The following MTRES1 variants were observed in gnomAD, a reference collection of about 807,000 sequenced individuals.
The protein encoded by MTRES1 is mitochondrial transcription rescue factor 1.
A neutral mutation model predicts 17.4 loss-of-function variants in MTRES1; 11 were observed. The observed-to-expected ratio is 0.63, with a 90% confidence interval of 0.40 to 1.05. MTRES1 has a LOEUF of 1.05. Ranked by LOEUF, MTRES1 falls within the 50% of genes least tolerant of loss-of-function variation. MTRES1 has a pLI of 0.00. For missense variants in MTRES1, 268 were observed against 276.2 expected (o/e 0.97, Z 0.21); for synonymous variants, 94 against 99.6 (o/e 0.94, Z 0.34).
chr6:107,039,838 C>T lies in MTRES1; in HGVS notation c.78C>T (p.Leu26=), dbSNP rs375014724. ...PDAWIGLWGV[L]RGTPSSYKLC... ...CCTGGATTGGACTCTGGGGTGTTCT[C>T]CGAGGGACACCTTCATCATACAAAC... The change falls in exon 2 of 4, where the codon CTC becomes CTT. Residue 26 remains leucine, a synonymous_variant. Coordinates refer to ENST00000311381, the MANE Select transcript of MTRES1 (RefSeq NM_016487.5). The T allele has an allele frequency of 1.1e-5, 17 of 1,613,928 alleles. No individual in the cohort carries two copies. The highest frequency in any genetic ancestry group is 1.4e-5 in the Non-Finnish European group (17 of 1,180,010).
chr6:107,048,102 G>A (rs1220754669), intron 3 of MTRES1, among the ~76,000 whole-genome samples: 2 of 151,974 alleles, frequency 1.3e-5, no homozygotes, highest in Non-Finnish European at 2.9e-5. Context: ...ATGAAATAAG[G>A]TTATACCAAA....
chr6:107,045,048 C>T (rs538390062), intron 3 of MTRES1, among the ~76,000 whole-genome samples: 3 of 151,822 alleles, frequency 2.0e-5, no homozygotes, highest in African/African-American at 4.8e-5. Context: ...ATTAGCCAGG[C>T]GTGGTGGCAG....
chr6:107,029,776 G>T (rs549666035), intron 1 of MTRES1, among the ~76,000 whole-genome samples: 2 of 152,086 alleles, frequency 1.3e-5, no homozygotes, highest in African/African-American at 4.8e-5. Context: ...GAGCCACCGC[G>T]CCCATACTAT....
intron 1 of MTRES1, among the ~76,000 whole-genome samples, chr6:107,035,019 A>G (rs1773963050): frequency 6.6e-6 from 1 of 152,080 alleles, no homozygotes; most frequent in African/African-American, 2.4e-5. Flanking sequence ...TTGGGATCCT[A>G]GCCCTGTCAT....
intron 1 of MTRES1, among the ~76,000 whole-genome samples, chr6:107,038,697 A>G (rs186018204): frequency 8.9e-4 from 135 of 152,262 alleles, no homozygotes; most frequent in Non-Finnish European, 1.5e-3. Context: ...TTCCTTGGCA[A>G]AGTCAATGTT....
At chr6:107,028,473 G>C (rs1554225937) in intron 1 of MTRES1, 2 of 152,522 alleles carry the variant, frequency 1.3e-5, no homozygotes, top group African/African-American at 4.8e-5. Flanking sequence ...CCTGCCTCCT[G>C]TCGCTCCTGC....
In MTRES1 at chr6:107,040,288, GC is replaced by G; in HGVS notation, c.470+59del. On this transcript the variant is annotated intron_variant, in intron 2 of 3. Coordinates refer to ENST00000311381, the MANE Select transcript of MTRES1 (RefSeq NM_016487.5). ...CTCGTAGTCATGTTATTTTAATATA[GC>G]ATTACAAATCACTTGGCCCATATTA... 2.1e-6 allele frequency: 3 copies of G among 1,457,246 alleles called. No individual in the cohort carries two copies. In the South Asian group the frequency reaches 4.3e-5, roughly 21 times the overall value. The allele number at this position is 1,457,246 out of a possible 1,614,324, so 90.3% of individuals were successfully genotyped here. A position where few individuals can be genotyped will look rare whatever the true frequency, so the allele number is the denominator to read the frequency against.
chr6:107,032,772 T>C (rs1773886573), intron 1 of MTRES1, among the ~76,000 whole-genome samples: 1 of 152,044 alleles, frequency 6.6e-6, no homozygotes, highest in African/African-American at 2.4e-5. Flanking sequence ...GAGAGAAAAA[T>C]AACAGCATGC....
intron 2 of MTRES1, among the ~76,000 whole-genome samples, chr6:107,041,422 A>G (rs1774211050): frequency 6.6e-6 from 1 of 152,202 alleles, no homozygotes; most frequent in Non-Finnish European, 1.5e-5. Flanking sequence ...AACACTTATT[A>G]CAGTGTCTGG....
intron 1 of MTRES1, among the ~76,000 whole-genome samples, chr6:107,038,597 C>T (rs311203): frequency 0.8 from 121,895 of 152,138 alleles, 50,359 homozygotes; most frequent in Non-Finnish European, 0.91. Flanking sequence ...GTCCAATTTG[C>T]TCACCCTTAC....
At chr6:107,030,924 G>A (rs1242192939) in intron 1 of MTRES1, among the ~76,000 whole-genome samples, 1 of 152,200 alleles carries the variant, frequency 6.6e-6, no homozygotes, top group African/African-American at 2.4e-5. Context: ...ATAGATTAGG[G>A]TGTGGTTGGC....
At chr6:107,043,187 A>C (rs1304264154) in intron 2 of MTRES1, among the ~76,000 whole-genome samples, 2 of 152,068 alleles carry the variant, frequency 1.3e-5, no homozygotes, top group East Asian at 3.9e-4. Flanking sequence ...AAAAAAAATT[A>C]CCCAGGCGTG....
chr6:107,043,060 G>A (rs559454472), intron 2 of MTRES1, among the ~76,000 whole-genome samples: 15 of 152,246 alleles, frequency 9.9e-5, no homozygotes, highest in South Asian at 4.1e-4. Context: ...GGCCGGGTGC[G>A]GTGGCTCACG....
At position 107,039,971 on chromosome 6, in the gene MTRES1, T is replaced by C; in HGVS notation, c.211T>C (p.Leu71=). Residue 71 remains leucine, a synonymous_variant, in exon 2 of 4, where the codon TTA becomes CTA. Coordinates refer to ENST00000311381, the MANE Select transcript of MTRES1 (RefSeq NM_016487.5). Reference sequence around the variant, plus strand: ...TTTCTCACTGAGACTCCCAGGGCTTTTACTATCTCCAGAATGTATTTTTCC... The same window carrying C: ...TTTCTCACTGAGACTCCCAGGGCTTCTACTATCTCCAGAATGTATTTTTCC... ...NIFSLRLPGL[L]LSPECIFPFS... The C allele has an allele frequency of 1.2e-6, 2 of 1,614,024 alleles. No individual in the cohort carries two copies. The highest frequency in any genetic ancestry group is 1.7e-6 in the Non-Finnish European group (2 of 1,179,900).
intron 3 of MTRES1, among the ~76,000 whole-genome samples, chr6:107,049,203 A>G (rs149784775): frequency 6.6e-6 from 1 of 152,184 alleles, no homozygotes; most frequent in African/African-American, 2.4e-5. Context: ...AAAAGTCAGC[A>G]TTTGACACCA....
intron 1 of MTRES1, chr6:107,029,937 TCCACTTTCTTCCCCC>T: frequency 1.6e-6 from 1 of 633,184 alleles, no homozygotes; most frequent in Admixed American, 2.5e-5. Context: ...CTTACCCTGC[TCCACTTTCTTCCCCC>T]AGTGCATTAA....
chr6:107,050,091 T>G (rs1238302238), intron 3 of MTRES1, among the ~76,000 whole-genome samples: 11 of 152,244 alleles, frequency 7.2e-5, no homozygotes, highest in African/African-American at 2.7e-4. Context: ...GGTATCTGTC[T>G]TGGGCTGTCC....
intron 2 of MTRES1, 56 bp from the exon 3 acceptor site, chr6:107,044,204 C>A: frequency 1.6e-6 from 2 of 1,253,290 alleles, no homozygotes; most frequent in Non-Finnish European, 2.3e-6. Flanking sequence ...GAAGTCTGGG[C>A]TTGAGTGTAC....
intron 3 of MTRES1, among the ~76,000 whole-genome samples, chr6:107,050,049 A>G (rs1774541983): frequency 6.6e-6 from 1 of 152,168 alleles, no homozygotes. Flanking sequence ...GTGTCTGGAA[A>G]GATCCCTTGA....
Sources: gnomAD v4.1 joint callset for allele counts (sites outside exome capture counted in the v4.1 genomes callset) on GRCh38, gnomAD v4.1.1 for gene constraint, MANE v1.5 for transcripts, NCBI Gene and HGNC (gene_info 2026-07-23, HGNC 2026-07-21) for gene names.